Variants in MLXIP observed in about 807,000 individuals in gnomAD.
MLXIP encodes the protein MLX-interacting protein.
A neutral mutation model predicts 87.2 loss-of-function variants in MLXIP; 30 were observed. That is an observed-to-expected ratio of 0.34 (90% CI 0.26 to 0.47). MLXIP has a LOEUF of 0.47. Among genes scored for constraint, MLXIP ranks in the 20% least tolerant of loss-of-function variants. The pLI is 1.00. For missense variants in MLXIP, 1,002 were observed against 1,240.1 expected, an observed-to-expected ratio of 0.81 and a Z score of 2.88; for synonymous variants, 530 against 514.0, an observed-to-expected ratio of 1.03 and a Z score of -0.42.
At chr12:122,116,433 C>A (rs1355714600) in intron 1 of MLXIP, among the ~76,000 whole-genome samples, 1 of 152,168 alleles carries the variant, frequency 6.6e-6, no homozygotes, top group Non-Finnish European at 1.5e-5. Context: ...GGGCACATGG[C>A]TAACGCGCAG....
Position 122,141,835 on chromosome 12 carries a change from C to T in MLXIP, c.*23C>T. ...TAGCTGCTTAGCTGGCATGTGGCCG[C>T]ATGAGATGCCAGGAGACCCTTCCCT... On this transcript the variant is annotated 3_prime_UTR_variant, in exon 17 of 17. Transcript: ENST00000319080. The T allele has an allele frequency of 1.2e-6, 2 of 1,611,522 alleles. No homozygotes were observed. The highest frequency in any genetic ancestry group is 1.7e-6 in the Non-Finnish European group (2 of 1,179,368).
intron 1 of MLXIP, among the ~76,000 whole-genome samples, chr12:122,097,123 C>T (rs1429764765): frequency 6.6e-6 from 1 of 152,208 alleles, no homozygotes; most frequent in Admixed American, 6.5e-5. Flanking sequence ...CAGAAGAGTG[C>T]TCGGCAGAGG....
intron 7 of MLXIP, 149 bp downstream of exon 7, chr12:122,131,082 G>A (rs1952969788): frequency 3.3e-6 from 2 of 604,518 alleles, no homozygotes; most frequent in Non-Finnish European, 6.0e-6. Flanking sequence ...ACTGTTTTTT[G>A]TAGTAACTGC....
In MLXIP at chr12:122,093,256, A is replaced by C. The variant is rs1272851087; in HGVS notation, c.413+13990A>C. ...GTATGGTATGTGTTGGTGTGTGTGC[A>C]GTGNGGGTGTGGGGTGTGCATTTGT... On this transcript the variant is annotated intron_variant, in intron 1 of 16. Coordinates refer to ENST00000319080, the MANE Select transcript of MLXIP (RefSeq NM_014938.6). 2.1e-3 allele frequency among the ~76,000 whole-genome samples: 260 copies of C among 125,960 alleles called. 1 individual carries two copies. Among genetic ancestry groups the C allele is most frequent in the Non-Finnish European group, 3.2e-3 (190 of 59,902 alleles). 82.6% of individuals were successfully genotyped at this position (125,960 alleles called of 152,430 possible). A position where few individuals can be genotyped will look rare whatever the true frequency, so the allele number is the denominator to read the frequency against.
At chr12:122,141,228 C>G in intron 16 of MLXIP, 145 bp downstream of exon 16, 1 of 1,194,266 alleles carries the variant, frequency 8.4e-7, no homozygotes, top group Non-Finnish European at 1.1e-6. Context: ...AGGAGGTCCT[C>G]AGTCAGGAGC....
intron 1 of MLXIP, among the ~76,000 whole-genome samples, chr12:122,096,057 C>T (rs1952346970): frequency 6.6e-6 from 1 of 151,536 alleles, no homozygotes; most frequent in African/African-American, 2.4e-5. Flanking sequence ...GAACATCCCT[C>T]CAAGCCACAA....
At position 122,144,667 on chromosome 12, in the gene MLXIP, C is replaced by T. The variant is rs938055641; in HGVS notation, c.*2855C>T. ...TTGGTAGGCCAAGGCGGGTGGATCA[C>T]CTGCAGTCAGGAGTTCACAACCAGC... On this transcript the variant is annotated 3_prime_UTR_variant, in exon 17 of 17. Coordinates refer to ENST00000319080, the MANE Select transcript of MLXIP (RefSeq NM_014938.6). The T allele has an allele frequency of 2.0e-5, 3 of 152,206 alleles. No homozygotes were observed. The highest frequency in any genetic ancestry group is 7.2e-5 in the African/African-American group (3 of 41,450). 9.4% of individuals were successfully genotyped at this position (152,206 alleles called of 1,614,324 possible).
intron 1 of MLXIP, among the ~76,000 whole-genome samples, chr12:122,081,064 C>T (rs957798709): frequency 6.6e-6 from 1 of 152,142 alleles, no homozygotes; most frequent in Non-Finnish European, 1.5e-5. Flanking sequence ...TTAAACAACA[C>T]CAAATAATTT....
chr12:122,086,472 G>A (rs999254544), intron 1 of MLXIP, among the ~76,000 whole-genome samples: 2 of 152,184 alleles, frequency 1.3e-5, no homozygotes, highest in Non-Finnish European at 2.9e-5. Context: ...TATAATAGAA[G>A]TGTTGTAGAA....
At chr12:122,139,950 A>C (rs1009138219) in intron 15 of MLXIP, among the ~76,000 whole-genome samples, 1 of 152,220 alleles carries the variant, frequency 6.6e-6, no homozygotes, top group Non-Finnish European at 1.5e-5. Flanking sequence ...CTGGGATTAC[A>C]GGCGTGAGCC....
rs759907082 is a variant in MLXIP at position 122,138,595 on chromosome 12, G to A, written c.2384+44G>A. The A allele has an allele frequency of 7.6e-6, 12 of 1,580,754 alleles. No individual in the cohort carries two copies. In the African/African-American group the frequency reaches 9.4e-5, roughly 12 times the overall value. ...GGGCTCCAACCAGGCACCCCATCCC[G>A]ATGCAGGGCCTGCCTCAGAGGTGGT... On this transcript the variant is annotated intron_variant, in intron 14 of 16. Coordinates refer to ENST00000319080, the MANE Select transcript of MLXIP (RefSeq NM_014938.6).
Position 122,094,692 on chromosome 12 carries a change from GTGT to G in MLXIP, c.413+15430_413+15432del, listed in dbSNP as rs1298006731. On this transcript the variant is annotated intron_variant, in intron 1 of 16. Transcript: ENST00000319080. ...CAGGTGTGTGTGCGATGTCTGTTGT[GTGT>G]TGTGTGTGTGGTGTGTTGTATGTGT... Among the ~76,000 whole-genome samples, 98 of 146,336 alleles carry G rather than the reference GTGT, an allele frequency of 6.7e-4. 1 individual carries two copies. The highest frequency in any genetic ancestry group is 2.2e-3 in the African/African-American group (85 of 39,502).
intron 1 of MLXIP, among the ~76,000 whole-genome samples, chr12:122,107,064 T>G (rs1952532325): frequency 6.6e-6 from 1 of 152,192 alleles, no homozygotes; most frequent in Non-Finnish European, 1.5e-5. Context: ...CCTCCTTGTG[T>G]TCTCCTCTGT....
At chr12:122,114,264 G>A (rs1952651849) in intron 1 of MLXIP, among the ~76,000 whole-genome samples, 1 of 152,084 alleles carries the variant, frequency 6.6e-6, no homozygotes, top group Admixed American at 6.6e-5. Flanking sequence ...GGGATTACAG[G>A]CGTGAGCCAC....
chr12:122,117,395 TC>T, intron 1 of MLXIP, among the ~76,000 whole-genome samples: 1 of 152,196 alleles, frequency 6.6e-6, no homozygotes, highest in Admixed American at 6.5e-5. Context: ...CCTTTGTTCG[TC>T]TGTAGCCTGT....
Position 122,133,944 on chromosome 12 carries a change from A to G in MLXIP, c.1689A>G (p.Pro563=). 1 of 1,607,052 alleles carries G rather than the reference A, an allele frequency of 6.2e-7. No individual in the cohort carries two copies. Among genetic ancestry groups the G allele is most frequent in the Non-Finnish European group, 8.5e-7 (1 of 1,176,960 alleles). ...QPHKIVPAPK[P]EPVSLVLKNA... is the part of the protein sequence containing the mutation. ...ACAAAATAGTGCCTGCTCCCAAACC[A>G]GAGCCCGTGTCCTTGGTGTTGAAGA... Residue 563 remains proline, a synonymous_variant, in exon 9 of 17, where the codon CCA becomes CCG. Coordinates refer to ENST00000319080, the MANE Select transcript of MLXIP (RefSeq NM_014938.6). This position sits in a 1 kb window ranked among gnomAD's most constrained non-coding sequence, Gnocchi z 4.9.
rs375546064 is a variant in MLXIP, at chr12:122,133,451, G to A, written c.1196G>A (p.Cys399Tyr). 15 of 1,613,174 alleles carry A rather than the reference G, an allele frequency of 9.3e-6. No individual in the cohort carries two copies. The highest frequency in any genetic ancestry group is 2.2e-5 in the East Asian group (1 of 44,866). ...PSLAHMDEQG[C>Y]EHTSRTEDPF... is the part of the protein sequence containing the mutation. ...CTGGCTCACATGGATGAGCAGGGCTGTGAACACACCTCCCGGACTGAGGAC... is the reference window on the plus strand; with the variant it reads ...CTGGCTCACATGGATGAGCAGGGCTATGAACACACCTCCCGGACTGAGGAC... Residue 399 changes from cysteine (C) to tyrosine (Y), a missense_variant, in exon 9 of 17, where the codon TGT becomes TAT. Around this residue, in one of 3 missense-constraint regions of MLXIP, gnomAD observed 746 missense variants for 897.0 expected, o/e 0.83. Transcript: ENST00000319080. The surrounding 1 kb of genome is among the most constrained non-coding windows in gnomAD (Gnocchi z 4.9).
intron 1 of MLXIP, among the ~76,000 whole-genome samples, chr12:122,099,472 C>T (rs1952404614): frequency 6.6e-6 from 1 of 152,208 alleles, no homozygotes; most frequent in Non-Finnish European, 1.5e-5. Context: ...CCCAGCCTCA[C>T]TTGGCCCTAG....
At chr12:122,100,075 A>G (rs766468060) in intron 1 of MLXIP, among the ~76,000 whole-genome samples, 12 of 152,006 alleles carry the variant, frequency 7.9e-5, no homozygotes, top group African/African-American at 1.2e-4. Flanking sequence ...TTTTTTCTCA[A>G]AGATGGAGCT....
Sources: gnomAD v4.1 joint callset for allele counts (sites outside exome capture counted in the v4.1 genomes callset) on GRCh38, gnomAD v4.1.1 for gene constraint, gnomAD v4.1.1 regional missense constraint, Gnocchi (gnomAD v3.1) non-coding constraint, MANE v1.5 for transcripts, NCBI Gene and HGNC (gene_info 2026-07-23, HGNC 2026-07-21) for gene names.